The following ZDBF2 variants were observed in gnomAD, a reference collection of about 807,000 sequenced individuals.
The protein encoded by ZDBF2 is zinc finger DBF-type containing 2.
A neutral mutation model predicts 9.4 loss-of-function variants in ZDBF2; 6 were observed. That is an observed-to-expected ratio of 0.64 (90% CI 0.35 to 1.27). The LOEUF (loss-of-function observed/expected upper bound fraction) is 1.27. Among genes scored for constraint, ZDBF2 ranks in the 50% most tolerant of loss-of-function variants. The probability of loss-of-function intolerance (pLI) is 0.03; values close to 1 mark genes in which losing one functional copy is unlikely to be tolerated. For missense variants in ZDBF2, 2,697 were observed against 2,766.8 expected, an observed-to-expected ratio of 0.97 and a Z score of 0.57; for synonymous variants, 905 against 946.3, an observed-to-expected ratio of 0.96 and a Z score of 0.80.
Position 206,309,728 on chromosome 2 carries a change from CAT to C in ZDBF2, c.5202_5203del (p.His1734GlnfsTer8). On this transcript the variant is annotated frameshift_variant, in exon 5 of 5. Transcript: ENST00000374423. LOFTEE classifies it low-confidence loss of function (END_TRUNC). ...ADKKKRSKLK[H>X]RDLEVSCEPD... ...TAAAAAAAAACGTTCGAAGCTAAAACATAGAGATCTAGAAGTGAGCTGTGAAC... is the reference window on the plus strand; with the variant it reads ...TAAAAAAAAACGTTCGAAGCTAAAACAGAGATCTAGAAGTGAGCTGTGAAC... 31 of 1,613,888 alleles carry C rather than the reference CAT, an allele frequency of 1.9e-5. No homozygotes were observed. The highest frequency in any genetic ancestry group is 2.5e-5 in the Non-Finnish European group (30 of 1,179,874).
chr2:206,281,777 A>C, intron 2 of ZDBF2, 24 bp from the exon 3 acceptor site: 1 of 1,415,822 alleles, frequency 7.1e-7, no homozygotes, highest in Non-Finnish European at 9.9e-7. Flanking sequence ...TATGATTTTT[A>C]CCATTTTTCT....
intron 4 of ZDBF2, among the ~76,000 whole-genome samples, chr2:206,300,641 GT>G (rs1291352874): frequency 3.3e-5 from 5 of 152,112 alleles, no homozygotes; most frequent in Non-Finnish European, 7.4e-5. Context: ...TGAAGTTACT[GT>G]TTTTCCTAAT....
At chr2:206,280,162 G>A (rs879605664) in intron 2 of ZDBF2, among the ~76,000 whole-genome samples, 8 of 152,066 alleles carry the variant, frequency 5.3e-5, no homozygotes, top group Non-Finnish European at 1.2e-4. Context: ...TTGACCACTG[G>A]GATTTTGATT....
rs541104769 is a variant in ZDBF2, at chr2:206,307,798, G to A, written c.3270G>A (p.Ala1090=). 97 of 1,609,602 alleles carry A rather than the reference G, an allele frequency of 6.0e-5. No individual in the cohort carries two copies. In the Middle Eastern group the frequency reaches 1.5e-3, roughly 25 times the overall value. Residue 1090 remains alanine, a synonymous_variant, in exon 5 of 5, where the codon GCG becomes GCA. Transcript: ENST00000374423. The stretch of plus-strand genomic sequence containing the variant: ...TTGATTCTGAACAACTTCAGGAAGC[G>A]GTTAAAAAAATAGACCAATGGAAGG... The part of the protein sequence containing the change: ...ITFDSEQLQE[A]VKKIDQWKEE...
chr2:206,300,492 T>G (rs1692445012), intron 4 of ZDBF2, among the ~76,000 whole-genome samples: 2 of 152,230 alleles, frequency 1.3e-5, no homozygotes, highest in Admixed American at 6.5e-5. Flanking sequence ...TTATGCATTT[T>G]GGGCGTGAAT....
intron 4 of ZDBF2, among the ~76,000 whole-genome samples, chr2:206,303,999 C>T (rs759058527): frequency 5.3e-5 from 8 of 152,164 alleles, no homozygotes; most frequent in African/African-American, 7.2e-5. Flanking sequence ...CCCCTCCCTC[C>T]GCTCAAAAGT....
intron 3 of ZDBF2, among the ~76,000 whole-genome samples, chr2:206,288,751 C>T (rs1425958367): frequency 6.6e-6 from 1 of 152,096 alleles, no homozygotes; most frequent in Non-Finnish European, 1.5e-5. Flanking sequence ...TGAGATTCTA[C>T]CCCTGAAGGG....
At chr2:206,290,394 G>A (rs915528975) in intron 3 of ZDBF2, among the ~76,000 whole-genome samples, 2 of 152,168 alleles carry the variant, frequency 1.3e-5, no homozygotes, top group Non-Finnish European at 2.9e-5. Context: ...CAGAAAAGCA[G>A]CTGGAATTCT....
chr2:206,298,199 ATAACATT>A (rs1171752387), intron 4 of ZDBF2, among the ~76,000 whole-genome samples: 1 of 152,202 alleles, frequency 6.6e-6, no homozygotes, highest in African/African-American at 2.4e-5. Context: ...AATTATTTTG[ATAACATT>A]TAAGAGTTAA....
rs750994930 is a variant in ZDBF2 at position 206,307,768 on chromosome 2, A to G, written c.3240A>G (p.Ile1080Met). The change falls in exon 5 of 5, where the codon ATA becomes ATG. Residue 1080 changes from isoleucine (I) to methionine (M), a missense_variant. Ile to Met is a conservative substitution (Grantham distance 10, BLOSUM62 1). Transcript: ENST00000374423. ...ACAGTAAATCAGGTGATTCTAAAAT[A>G]ACTTTTGATTCTGAACAACTTCAGG... ...DKNSKSGDSKITFDSEQLQEA... is the reference protein window; with the variant it reads ...DKNSKSGDSKMTFDSEQLQEA... 3 of 1,611,268 alleles carry G rather than the reference A, an allele frequency of 1.9e-6. No homozygotes were observed. Among genetic ancestry groups the G allele is most frequent in the Non-Finnish European group, 2.5e-6 (3 of 1,179,296 alleles).
chr2:206,305,704 A>G lies in ZDBF2; in HGVS notation c.1176A>G (p.Gln392=), dbSNP rs1692746924. 4 of 1,613,752 alleles carry G rather than the reference A, an allele frequency of 2.5e-6. No homozygotes were observed. Among genetic ancestry groups the G allele is most frequent in the East Asian group, 2.2e-5 (1 of 44,856 alleles). The change falls in exon 5 of 5, where the codon CAA becomes CAG. Residue 392 remains glutamine, a synonymous_variant. Transcript: ENST00000374423. ...ACTTAAGTCTTTGGAAGGAGGAGCA[A>G]ATTGACCAAGAAGATAACTATGAGT... The part of the protein sequence containing the change: ...AQDLSLWKEE[Q]IDQEDNYESR...
chr2:206,302,842 C>T (rs750179222), intron 4 of ZDBF2, among the ~76,000 whole-genome samples: 1 of 151,990 alleles, frequency 6.6e-6, no homozygotes, highest in African/African-American at 2.4e-5. Flanking sequence ...TATGCATGTT[C>T]TCTTAGACAA....
intron 3 of ZDBF2, chr2:206,291,996 G>A (rs1691922539): frequency 2.5e-6 from 1 of 397,988 alleles, no homozygotes; most frequent in African/African-American, 2.1e-5. Flanking sequence ...AAAAATTAAG[G>A]GAATTTGTCA....
At chr2:206,290,622 T>A (rs539720035) in intron 3 of ZDBF2, among the ~76,000 whole-genome samples, 1 of 152,340 alleles carries the variant, frequency 6.6e-6, no homozygotes, top group East Asian at 1.9e-4. Flanking sequence ...TAAATGGAAT[T>A]GTTTTCTTAA....
chr2:206,290,593 A>T (rs1220590920), intron 3 of ZDBF2, among the ~76,000 whole-genome samples: 2 of 152,166 alleles, frequency 1.3e-5, no homozygotes, highest in African/African-American at 4.8e-5. Flanking sequence ...TAAGCATTTT[A>T]TTCTTTTTGA....
intron 1 of ZDBF2, among the ~76,000 whole-genome samples, chr2:206,276,678 C>T (rs1287373596): frequency 6.6e-6 from 1 of 152,198 alleles, no homozygotes; most frequent in East Asian, 1.9e-4. Context: ...AACAAGATAC[C>T]TCTTTTCTCT....
intron 1 of ZDBF2, among the ~76,000 whole-genome samples, chr2:206,278,133 C>G (rs934112617): frequency 6.6e-6 from 1 of 151,982 alleles, no homozygotes; most frequent in African/African-American, 2.4e-5. Context: ...AAGACGAATA[C>G]GATACATGTT....
intron 4 of ZDBF2, among the ~76,000 whole-genome samples, chr2:206,299,128 G>C (rs1380460346): frequency 6.6e-6 from 1 of 151,940 alleles, no homozygotes; most frequent in Admixed American, 6.6e-5. Flanking sequence ...TAATCTGCCT[G>C]CCTCGCCCTC....
At chr2:206,288,874 G>A (rs1379158626) in intron 3 of ZDBF2, among the ~76,000 whole-genome samples, 1 of 152,086 alleles carries the variant, frequency 6.6e-6, no homozygotes, top group African/African-American at 2.4e-5. Flanking sequence ...GGTCTCAGGG[G>A]ATGAGGCATT....
Sources: allele counts gnomAD v4.1 joint callset (sites outside exome capture counted in the v4.1 genomes callset), GRCh38; gene constraint gnomAD v4.1.1; transcripts MANE v1.5; gene names NCBI Gene and HGNC (gene_info 2026-07-23, HGNC 2026-07-21).